Variants in GPC5 observed in about 807,000 individuals in gnomAD.
GPC5 encodes glypican 5.
Under a neutral mutation model 53.9 loss-of-function variants are expected in GPC5, and 47 were observed. The ratio of observed to expected loss-of-function variants is 0.87; its 90% CI spans 0.69 to 1.11. The LOEUF is 1.11. Ranked by LOEUF, GPC5 falls within the 50% of genes most tolerant of loss-of-function variation. GPC5 has a pLI of 0.00. For synonymous variants in GPC5, 286 were observed against 263.3 expected (o/e 1.09, Z -0.84); for missense variants, 748 against 713.1 (o/e 1.05, Z -0.56).
chr13:92,148,682 A>G (rs2041885706), intron 7 of GPC5, among the ~76,000 whole-genome samples: 1 of 152,042 alleles, frequency 6.6e-6, no homozygotes, highest in South Asian at 2.1e-4. Context: ...ATGGCTTTGA[A>G]CTTAAAAGTC....
At chr13:92,236,557 T>C (rs1334478325) in intron 7 of GPC5, among the ~76,000 whole-genome samples, 1 of 152,182 alleles carries the variant, frequency 6.6e-6, no homozygotes, top group Non-Finnish European at 1.5e-5. Flanking sequence ...TTTAATATTA[T>C]ACTTTAAACA....
intron 2 of GPC5, among the ~76,000 whole-genome samples, chr13:91,560,248 G>T (rs1456509350): frequency 6.6e-6 from 1 of 152,246 alleles, no homozygotes; most frequent in South Asian, 2.1e-4. Context: ...TCTCCTACAA[G>T]GTTCTGTGAG....
intron 2 of GPC5, among the ~76,000 whole-genome samples, chr13:91,676,974 G>A (rs2035398573): frequency 6.6e-6 from 1 of 152,192 alleles, no homozygotes; most frequent in South Asian, 2.1e-4. Flanking sequence ...TATGGATAGG[G>A]AACAGCTTGC....
intron 6 of GPC5, among the ~76,000 whole-genome samples, chr13:91,969,636 T>A (rs2040222125): frequency 6.6e-6 from 1 of 152,186 alleles, no homozygotes; most frequent in Non-Finnish European, 1.5e-5. Context: ...GGACTCTCAA[T>A]TTCCAAAATA....
intron 7 of GPC5, among the ~76,000 whole-genome samples, chr13:92,459,627 A>G (rs756331618): frequency 1.3e-5 from 2 of 152,180 alleles, no homozygotes; most frequent in Admixed American, 6.5e-5. Context: ...ATATTTTACC[A>G]TTCTAAAAGG....
At chr13:92,369,931 A>G (rs1594139479) in intron 7 of GPC5, among the ~76,000 whole-genome samples, 1 of 152,250 alleles carries the variant, frequency 6.6e-6, no homozygotes, top group Non-Finnish European at 1.5e-5. Flanking sequence ...AAACCTGTGC[A>G]GTATGGTGCT....
In GPC5 at chr13:91,513,380, ATTTAG is replaced by A. The variant is rs869058805; in HGVS notation, c.325+64461_325+64465del. On this transcript the variant is annotated intron_variant, in intron 2 of 7. Transcript: ENST00000377067. ...TGTGTGTGTGTGTGTGTGTGTGTGT[ATTTAG>A]TTGTGTGCAATTTTATCACACATGT... 9.9e-5 allele frequency among the ~76,000 whole-genome samples: 14 copies of A among 141,620 alleles called. 1 individual carries two copies. Among genetic ancestry groups the A allele is most frequent in the African/African-American group, 3.8e-4 (14 of 37,282 alleles). The allele number at this position is 141,620 out of a possible 152,430, so 92.9% of individuals were successfully genotyped here. A position where few individuals can be genotyped will look rare whatever the true frequency, so the allele number is the denominator to read the frequency against.
chr13:92,393,867 A>G (rs1477243607), intron 7 of GPC5, among the ~76,000 whole-genome samples: 1 of 152,128 alleles, frequency 6.6e-6, no homozygotes, highest in Non-Finnish European at 1.5e-5. Flanking sequence ...CTAAAATAAA[A>G]ATCTAAAAGC....
intron 7 of GPC5, among the ~76,000 whole-genome samples, chr13:92,669,598 C>T (rs1483639657): frequency 2.6e-4 from 40 of 152,152 alleles, no homozygotes; most frequent in Admixed American, 2.6e-3. Flanking sequence ...ACTTTCCTCA[C>T]ACCCTAAACC....
chr13:91,415,986 G>T (rs1878192889), intron 1 of GPC5, among the ~76,000 whole-genome samples: 1 of 152,008 alleles, frequency 6.6e-6, no homozygotes, highest in Non-Finnish European at 1.5e-5. Context: ...ATCATTTTTG[G>T]TATCCTTAAT....
At chr13:92,047,244 C>G (rs546812417) in intron 6 of GPC5, among the ~76,000 whole-genome samples, 3 of 152,014 alleles carry the variant, frequency 2.0e-5, no homozygotes, top group African/African-American at 7.2e-5. Context: ...TTTTTTATAA[C>G]AAAATAGATT....
intron 2 of GPC5, among the ~76,000 whole-genome samples, chr13:91,598,506 A>C (rs529066749): frequency 1.3e-5 from 2 of 152,132 alleles, no homozygotes; most frequent in Non-Finnish European, 2.9e-5. Context: ...CCTAACCTTG[A>C]TTTTCAACAT....
intron 6 of GPC5, among the ~76,000 whole-genome samples, chr13:91,911,683 A>G (rs1186288979): frequency 6.6e-6 from 1 of 152,258 alleles, no homozygotes; most frequent in Non-Finnish European, 1.5e-5. Flanking sequence ...AGGAAGTGGT[A>G]CAGACAGAAG....
At chr13:92,643,727 TG>T (rs1175474041) in intron 7 of GPC5, among the ~76,000 whole-genome samples, 1 of 143,122 alleles carries the variant, frequency 7.0e-6, no homozygotes, top group Non-Finnish European at 1.6e-5. Flanking sequence ...GGGACTGTGG[TG>T]GGGTGCGGGG....
intron 6 of GPC5, among the ~76,000 whole-genome samples, chr13:91,943,884 A>G (rs912397794): frequency 2.0e-5 from 3 of 152,052 alleles, no homozygotes; most frequent in African/African-American, 4.8e-5. Flanking sequence ...TTTTTAAGAA[A>G]AAAAAGATGG....
intron 2 of GPC5, among the ~76,000 whole-genome samples, chr13:91,506,244 C>A (rs1342331625): frequency 6.6e-6 from 1 of 151,960 alleles, no homozygotes; most frequent in Non-Finnish European, 1.5e-5. Flanking sequence ...TATTAATTTA[C>A]TAGAGCATAA....
At chr13:92,013,309 G>C (rs1003282525) in intron 6 of GPC5, among the ~76,000 whole-genome samples, 6 of 152,142 alleles carry the variant, frequency 3.9e-5, no homozygotes, top group African/African-American at 1.2e-4. Flanking sequence ...AGAGGGGATG[G>C]GATGGGCAGG....
In GPC5 at chr13:91,756,363, A is replaced by C; in HGVS notation, c.1223A>C (p.Asn408Thr). ...YGGLADQLCANELAAADGLPC... is the reference protein window; with the variant it reads ...YGGLADQLCATELAAADGLPC... ...GGTCTAGCTGATCAGCTTTGTGCTA[A>C]TGAATTAGCTGCTGCAGATGGACTT... The change falls in exon 5 of 8, where the codon AAT (asparagine) becomes ACT (threonine). Residue 408 changes from asparagine to threonine, a missense_variant. By Grantham distance (65) the Asn-to-Thr change is moderately conservative. Coordinates refer to ENST00000377067, the MANE Select transcript of GPC5 (RefSeq NM_004466.6). 6.3e-7 allele frequency: 1 copy of C among 1,595,116 alleles called. No homozygotes were observed. Among genetic ancestry groups the C allele is most frequent in the East Asian group, 2.2e-5 (1 of 44,624 alleles).
intron 1 of GPC5, among the ~76,000 whole-genome samples, chr13:91,402,018 G>A (rs1333413742): frequency 2.6e-5 from 4 of 152,104 alleles, no homozygotes; most frequent in African/African-American, 9.7e-5. Context: ...TCTTTTAAAG[G>A]TCTTTTCATT....
Sources: gnomAD v4.1 joint callset for allele counts (sites outside exome capture counted in the v4.1 genomes callset) on GRCh38, gnomAD v4.1.1 for gene constraint, MANE v1.5 for transcripts, NCBI Gene and HGNC (gene_info 2026-07-23, HGNC 2026-07-21) for gene names.